Variants in ROBO2 observed in about 807,000 individuals in gnomAD.
The protein encoded by ROBO2 is roundabout guidance receptor 2.
A neutral mutation model predicts 160.8 loss-of-function variants in ROBO2; 53 were observed. The ratio of observed to expected loss-of-function variants is 0.33; its 90% confidence interval spans 0.26 to 0.41. The LOEUF is 0.41. Among genes scored for constraint, ROBO2 ranks in the 10% least tolerant of loss-of-function variants. ROBO2 has a pLI of 1.00. For missense variants in ROBO2, 1,577 were observed against 1,722.4 expected (o/e 0.92, Z 1.49); for synonymous variants, 664 against 611.7 (o/e 1.09, Z -1.26).
At chr3:77,548,150 T>C (rs1020905726) in intron 7 of ROBO2, among the ~76,000 whole-genome samples, 2 of 149,716 alleles carry the variant, frequency 1.3e-5, no homozygotes, top group Non-Finnish European at 3.0e-5. Flanking sequence ...TACACATACA[T>C]ACACATACAC....
At chr3:77,301,832 G>C (rs976713847) in intron 2 of ROBO2, among the ~76,000 whole-genome samples, 2 of 151,826 alleles carry the variant, frequency 1.3e-5, no homozygotes, top group African/African-American at 4.8e-5. Context: ...TTACATACTT[G>C]CTGTGTGTCC....
intron 2 of ROBO2, among the ~76,000 whole-genome samples, chr3:76,272,478 C>T (rs1233231956): frequency 6.6e-6 from 1 of 151,388 alleles, no homozygotes; most frequent in Non-Finnish European, 1.5e-5. Context: ...GCCTGGCTAA[C>T]ATGGTGAAAC....
At chr3:76,518,299 T>C (rs964477816) in intron 2 of ROBO2, among the ~76,000 whole-genome samples, 2 of 152,136 alleles carry the variant, frequency 1.3e-5, no homozygotes, top group African/African-American at 4.8e-5. Flanking sequence ...TTTTAGAATT[T>C]TTTTTCTTAA....
chr3:76,882,936 T>C (rs972032048), intron 2 of ROBO2, among the ~76,000 whole-genome samples: 9 of 152,202 alleles, frequency 5.9e-5, no homozygotes, highest in African/African-American at 2.2e-4. Context: ...CCATAATTTG[T>C]TTCCATTATC....
rs566172561 is a variant in ROBO2, at chr3:77,546,645, C to T, written c.1059+183C>T. Among the ~76,000 whole-genome samples, 9 of 152,172 alleles carry T rather than the reference C, an allele frequency of 5.9e-5. No homozygotes were observed. The South Asian group carries it at 1.9e-3, about 32-fold the overall frequency. ...TTCTAGCAATAGCATTCTTTATTTG[C>T]TAGTATTAATCTTTTCAAAATTCTG... On this transcript the variant is annotated intron_variant, in intron 7 of 25. Coordinates refer to ENST00000461745, the Ensembl canonical transcript of ROBO2.
chr3:77,455,559 G>T (rs2081542521), intron 2 of ROBO2, among the ~76,000 whole-genome samples: 1 of 152,070 alleles, frequency 6.6e-6, no homozygotes, highest in Non-Finnish European at 1.5e-5. Flanking sequence ...ACCCTCCTGA[G>T]TAGCTGGGAT....
intron 2 of ROBO2, among the ~76,000 whole-genome samples, chr3:76,499,060 C>A (rs549933670): frequency 6.6e-6 from 1 of 152,264 alleles, no homozygotes; most frequent in South Asian, 2.1e-4. Flanking sequence ...CTTTCTACCC[C>A]TCATAGGTCA....
intron 2 of ROBO2, among the ~76,000 whole-genome samples, chr3:77,098,804 C>T (rs1454032513): frequency 1.3e-5 from 2 of 151,976 alleles, no homozygotes; most frequent in South Asian, 2.1e-4. Flanking sequence ...TGCAGTGAGC[C>T]GAGATCGCGC....
intron 2 of ROBO2, among the ~76,000 whole-genome samples, chr3:76,874,390 A>C (rs181471471): frequency 5.3e-5 from 8 of 152,260 alleles, no homozygotes; most frequent in Admixed American, 5.2e-4. Context: ...ATTATTGCCC[A>C]AAAATTTCCC....
chr3:76,958,863 A>T (rs1257713028), intron 2 of ROBO2, among the ~76,000 whole-genome samples: 1 of 152,230 alleles, frequency 6.6e-6, no homozygotes, highest in Non-Finnish European at 1.5e-5. Flanking sequence ...TGTGGATAAG[A>T]TGCTTACATT....
Position 76,262,290 on chromosome 3 carries a change from G to A in ROBO2, c.109+324688G>A, listed in dbSNP as rs182844672. Among the ~76,000 whole-genome samples, 10 of 151,962 alleles carry A rather than the reference G, an allele frequency of 6.6e-5. No homozygotes were observed. In the East Asian group the frequency reaches 1.7e-3, roughly 26 times the overall value. The stretch of plus-strand genomic sequence containing the variant: ...TGGTGACTTACATAAAATTTAACGA[G>A]CTTTGCTTTTTTTTTTCCCCATCAA... On this transcript the variant is annotated intron_variant, in intron 2 of 26. Coordinates refer to the ROBO2 transcript ENST00000487694.
intron 2 of ROBO2, among the ~76,000 whole-genome samples, chr3:76,547,252 A>T (rs553558079): frequency 5.8e-4 from 88 of 152,160 alleles, no homozygotes; most frequent in African/African-American, 1.9e-3. Flanking sequence ...ACATTTTGCA[A>T]AGTTTGACAG....
intron 2 of ROBO2, among the ~76,000 whole-genome samples, chr3:77,241,957 A>G (rs1179872234): frequency 1.3e-5 from 2 of 152,198 alleles, no homozygotes; most frequent in African/African-American, 4.8e-5. Context: ...CTGATGATAA[A>G]CACAGACATT....
At chr3:77,602,572 T>A in intron 20 of ROBO2, 81 bp downstream of exon 21, 1 of 1,526,842 alleles carries the variant, frequency 6.5e-7, no homozygotes, top group Non-Finnish European at 9.0e-7. Flanking sequence ...GTTGTTTGAC[T>A]TAGTGATTCA....
chr3:77,641,113 C>T (rs2095344724), intron 24 of ROBO2, among the ~76,000 whole-genome samples: 1 of 152,136 alleles, frequency 6.6e-6, no homozygotes, highest in African/African-American at 2.4e-5. Context: ...TCAGTACTAT[C>T]GAATATAAAG....
At chr3:77,576,979 A>G (rs1358632700) in intron 14 of ROBO2, among the ~76,000 whole-genome samples, 1 of 152,202 alleles carries the variant, frequency 6.6e-6, no homozygotes. Context: ...CATGTGATAA[A>G]TACTGGAATA....
At chr3:77,125,587 G>A (rs561477449) in intron 2 of ROBO2, among the ~76,000 whole-genome samples, 3 of 152,120 alleles carry the variant, frequency 2.0e-5, no homozygotes, top group Admixed American at 1.3e-4. Flanking sequence ...GCTACACATC[G>A]GTATTTATGT....
At chr3:77,499,647 T>TA (rs758225399) in intron 5 of ROBO2, among the ~76,000 whole-genome samples, 6 of 149,532 alleles carry the variant, frequency 4.0e-5, no homozygotes, top group Non-Finnish European at 8.9e-5. Context: ...AAGTATCACT[T>TA]ACGCTTTTTT....
intron 2 of ROBO2, among the ~76,000 whole-genome samples, chr3:76,671,416 C>A (rs939013387): frequency 2.0e-5 from 3 of 152,036 alleles, no homozygotes; most frequent in Non-Finnish European, 4.4e-5. Context: ...CAAAATACAC[C>A]CTGATTTGAA....
Sources: gnomAD v4.1 joint callset for allele counts (sites outside exome capture counted in the v4.1 genomes callset) on GRCh38, gnomAD v4.1.1 for gene constraint, MANE v1.5 for transcripts, NCBI Gene and HGNC (gene_info 2026-07-23, HGNC 2026-07-21) for gene names.